Variants in NCOR1 observed in about 807,000 individuals in gnomAD.
NCOR1 encodes nuclear receptor corepressor 1.
In NCOR1, 63 loss-of-function variants were observed where a neutral mutation model predicts 288.1. The ratio of observed to expected loss-of-function variants is 0.22; its 90% CI spans 0.18 to 0.27. NCOR1 has a LOEUF of 0.27. Among genes scored for constraint, NCOR1 ranks in the 10% least tolerant of loss-of-function variants. NCOR1 has a pLI of 1.00. For missense variants in NCOR1, 2,397 were observed against 3,019.2 expected (o/e 0.79, Z 4.83); for synonymous variants, 1,007 against 1,065.9 (o/e 0.94, Z 1.08).
chr17:16,192,666 T>C (rs1260260267), intron 2 of NCOR1, among the ~76,000 whole-genome samples: 1 of 151,928 alleles, frequency 6.6e-6, no homozygotes, highest in Admixed American at 6.6e-5. Flanking sequence ...AAAAAAAAAG[T>C]ATATCGGACT....
rs1270960667 is a variant in NCOR1 at position 16,127,394 on chromosome 17, C to CAT, written c.1510-1190_1510-1189dup. On this transcript the variant is annotated intron_variant, in intron 14 of 45. Transcript: ENST00000268712. Reference sequence around the variant, plus strand: ...GTATGTATATATGTATGTATATATACATGTGTATATGTGTATGTATATATA... The same window carrying CAT: ...GTATGTATATATGTATGTATATATACATATGTGTATATGTGTATGTATATATA... Among the ~76,000 whole-genome samples, 13 of 96,034 alleles carry CAT rather than the reference C, an allele frequency of 1.4e-4. 3 individuals carry two copies. The highest frequency in any genetic ancestry group is 3.7e-4 in the African/African-American group (8 of 21,670). The allele number at this position is 96,034 out of a possible 152,430, so 63.0% of individuals were successfully genotyped here. A position where few individuals can be genotyped will look rare whatever the true frequency, so the allele number is the denominator to read the frequency against.
At chr17:16,188,540 G>C (rs187844682) in intron 2 of NCOR1, among the ~76,000 whole-genome samples, 113 of 152,104 alleles carry the variant, frequency 7.4e-4, no homozygotes, top group African/African-American at 2.4e-3. Context: ...GAACCCAGGA[G>C]GGGGAGGGTG....
chr17:16,098,548 A>G, intron 20 of NCOR1, 52 bp from the exon 21 acceptor site: 1 of 1,500,422 alleles, frequency 6.7e-7, no homozygotes, highest in South Asian at 1.2e-5. Flanking sequence ...TAAGACTCAA[A>G]CATATAATCA....
intron 19 of NCOR1, 30 bp from the exon 20 acceptor site, chr17:16,101,787 T>C: frequency 6.2e-7 from 1 of 1,613,162 alleles, no homozygotes; most frequent in Non-Finnish European, 8.5e-7. Flanking sequence ...ACTTTCTGTA[T>C]CAGAACTATT....
intron 21 of NCOR1, among the ~76,000 whole-genome samples, chr17:16,093,634 T>C (rs995526909): frequency 1.3e-5 from 2 of 152,186 alleles, no homozygotes; most frequent in South Asian, 2.1e-4. Context: ...AAGACTTCCA[T>C]AGTTTTTCCC....
At position 16,151,947 on chromosome 17, in the gene NCOR1, T is replaced by C. The variant is rs765197914; in HGVS notation, c.841A>G (p.Thr281Ala). Residue 281 changes from threonine to alanine, a missense_variant and splice_region_variant, in exon 8 of 46, where the codon ACA (threonine) becomes GCA (alanine). Physicochemically the swap from Thr to Ala is moderately conservative, Grantham distance 58. Coordinates refer to ENST00000268712, the MANE Select transcript of NCOR1 (RefSeq NM_006311.4). ...DTKVYHENIKTNQVMRKKLIL... is the reference protein window; with the variant it reads ...DTKVYHENIKANQVMRKKLIL... ...ACTCCAAAGATGATCAATACTTACG[T>C]CTTGATGTTCTCATGGTACACCTTG... The C allele has an allele frequency of 4.4e-6, 7 of 1,596,728 alleles. No homozygotes were observed. The highest frequency in any genetic ancestry group is 6.0e-6 in the Non-Finnish European group (7 of 1,171,382).
At chr17:16,095,779 G>A (rs2066473993) in intron 21 of NCOR1, among the ~76,000 whole-genome samples, 1 of 150,798 alleles carries the variant, frequency 6.6e-6, no homozygotes, top group Non-Finnish European at 1.5e-5. Context: ...CCCCTACTGG[G>A]AAGTGAGGAG....
At chr17:16,105,908 T>C (rs1318930039) in intron 19 of NCOR1, among the ~76,000 whole-genome samples, 1 of 152,172 alleles carries the variant, frequency 6.6e-6, no homozygotes, top group Admixed American at 6.5e-5. Context: ...GAGACAAGCC[T>C]GACCAACGTA....
chr17:16,081,349 C>A (rs2063380996), intron 23 of NCOR1, among the ~76,000 whole-genome samples: 1 of 141,524 alleles, frequency 7.1e-6, no homozygotes, highest in South Asian at 2.2e-4. Context: ...TGGAAATTAA[C>A]CAAAGGCTTG....
chr17:16,195,129 A>T (rs1225904481), intron 1 of NCOR1, among the ~76,000 whole-genome samples: 3 of 152,212 alleles, frequency 2.0e-5, no homozygotes, highest in African/African-American at 7.2e-5. Flanking sequence ...GTAGATGGAC[A>T]TTTGTTATAT....
intron 3 of NCOR1, among the ~76,000 whole-genome samples, chr17:16,176,909 G>T (rs1446708587): frequency 6.6e-6 from 1 of 151,930 alleles, no homozygotes; most frequent in African/African-American, 2.4e-5. Flanking sequence ...TCAATCTGTA[G>T]AATCTATCAA....
intron 18 of NCOR1, among the ~76,000 whole-genome samples, chr17:16,110,586 C>A (rs2069876155): frequency 6.6e-6 from 1 of 151,978 alleles, no homozygotes; most frequent in Non-Finnish European, 1.5e-5. Context: ...GTTTGCAGAC[C>A]CAGGGTTCTG....
At chr17:16,098,575 G>A in intron 20 of NCOR1, 79 bp from the exon 21 acceptor site, 1 of 1,308,822 alleles carries the variant, frequency 7.6e-7, no homozygotes, top group Middle Eastern at 1.9e-4. Context: ...GTTCTTCTAA[G>A]TTAGTATGTA....
intron 4 of NCOR1, among the ~76,000 whole-genome samples, chr17:16,167,990 A>G (rs1391217480): frequency 6.6e-6 from 1 of 152,144 alleles, no homozygotes; most frequent in Admixed American, 6.5e-5. Flanking sequence ...TAACAACTCA[A>G]TGTAAAATAA....
chr17:16,183,974 A>G (rs2086076913), intron 3 of NCOR1, among the ~76,000 whole-genome samples: 1 of 152,218 alleles, frequency 6.6e-6, no homozygotes, highest in Admixed American at 6.5e-5. Flanking sequence ...CCACAGCAAC[A>G]CAGTGGGGAA....
chr17:16,139,191 A>G lies in NCOR1; in HGVS notation c.1174-5T>C. The G allele has an allele frequency of 5.0e-6, 8 of 1,600,362 alleles. No individual in the cohort carries two copies. Among genetic ancestry groups the G allele is most frequent in the Non-Finnish European group, 6.8e-6 (8 of 1,172,440 alleles). ...CCGCATTTGTTTCTCATTATTCTGGAAAAAAAATACAATTTACTTAGAATA... is the reference window on the plus strand; with the variant it reads ...CCGCATTTGTTTCTCATTATTCTGGGAAAAAAATACAATTTACTTAGAATA... On this transcript the variant is annotated splice_polypyrimidine_tract_variant and splice_region_variant and intron_variant, in intron 11 of 45. Coordinates refer to ENST00000268712, the MANE Select transcript of NCOR1 (RefSeq NM_006311.4).
At chr17:16,036,800 A>G (rs1392211606) in intron 44 of NCOR1, among the ~76,000 whole-genome samples, 2 of 152,198 alleles carry the variant, frequency 1.3e-5, no homozygotes, top group African/African-American at 2.4e-5. Flanking sequence ...TTGGTCTTCT[A>G]TCCAGACCAC....
intron 20 of NCOR1, among the ~76,000 whole-genome samples, chr17:16,100,846 T>G (rs968539864): frequency 6.6e-6 from 1 of 152,236 alleles, no homozygotes; most frequent in African/African-American, 2.4e-5. Context: ...TAGGGGCTGG[T>G]AGGCCTTGTT....
intron 3 of NCOR1, among the ~76,000 whole-genome samples, chr17:16,173,313 C>T (rs1025562291): frequency 3.9e-5 from 6 of 152,032 alleles, no homozygotes; most frequent in Non-Finnish European, 8.8e-5. Flanking sequence ...AGAGTGACAT[C>T]ACAAAAAACT....
Sources: allele counts gnomAD v4.1 joint callset (sites outside exome capture counted in the v4.1 genomes callset), GRCh38; gene constraint gnomAD v4.1.1; transcripts MANE v1.5; gene names NCBI Gene and HGNC (gene_info 2026-07-23, HGNC 2026-07-21).